TMED1: variants seen among roughly 807,000 people sequenced by gnomAD.
TMED1 encodes transmembrane emp24 domain-containing protein 1.
Under a neutral mutation model 21.2 loss-of-function variants are expected in TMED1, and 20 were observed. The observed-to-expected ratio is 0.95, with a 90% CI of 0.67 to 1.37. The LOEUF is 1.37. TMED1 is among the 40% of genes most tolerant of loss of function. The pLI is 0.00. For synonymous variants in TMED1, 149 were observed against 134.7 expected (o/e 1.11, Z -0.74); for missense variants, 316 against 309.8 (o/e 1.02, Z -0.15).
chr19:10,834,055 G>C (rs766205519), intron 3 of TMED1, among the ~76,000 whole-genome samples: 1 of 152,218 alleles, frequency 6.6e-6, no homozygotes, highest in African/African-American at 2.4e-5. Context: ...AGCTATTCAG[G>C]AGGCTGAGGC....
intron 1 of TMED1, 58 bp downstream of exon 1, chr19:10,835,951 C>T (rs2073422822): frequency 2.0e-6 from 3 of 1,503,346 alleles, no homozygotes; most frequent in African/African-American, 1.4e-5. Context: ...TCGCCTCGAC[C>T]GCTTGGCCAC....
At position 10,832,881 on chromosome 19, in the gene TMED1, T is replaced by A; in HGVS notation, c.*114A>T. On this transcript the variant is annotated 3_prime_UTR_variant, in exon 4 of 4. Coordinates refer to ENST00000214869, the MANE Select transcript of TMED1 (RefSeq NM_006858.4). Reference sequence around the variant, plus strand: ...ACTCATGGGGCCAGACCGCAGGCCCTGACTGCACACTCCCGTTTTGGCAGG... The same window carrying A: ...ACTCATGGGGCCAGACCGCAGGCCCAGACTGCACACTCCCGTTTTGGCAGG... 1 of 1,232,324 alleles carries A rather than the reference T, an allele frequency of 8.1e-7. No individual in the cohort carries two copies. Among genetic ancestry groups the A allele is most frequent in the East Asian group, 2.5e-5 (1 of 40,092 alleles). 76.3% of individuals were successfully genotyped at this position (1,232,324 alleles called of 1,614,324 possible).
intron 1 of TMED1, 110 bp from the exon 2 acceptor site, chr19:10,835,463 C>G: frequency 6.6e-7 from 1 of 1,516,740 alleles, no homozygotes; most frequent in Non-Finnish European, 8.9e-7. Flanking sequence ...AAGGGCTTAC[C>G]TGAACGGCGG....
Position 10,832,305 on chromosome 19 carries a change from C to G in TMED1, c.*690G>C, listed in dbSNP as rs1270779300. 2 of 1,289,646 alleles carry G rather than the reference C, an allele frequency of 1.6e-6. No individual in the cohort carries two copies. The highest frequency in any genetic ancestry group is 3.0e-5 in the African/African-American group (2 of 65,852). The allele number at this position is 1,289,646 out of a possible 1,614,324, so 79.9% of individuals were successfully genotyped here. On this transcript the variant is annotated 3_prime_UTR_variant, in exon 4 of 4. Transcript: ENST00000214869. ...TTTCTGATTTTTCTCTTGTGCCAGG[C>G]GACCACCTCCATCGGCTCCCGCACG...
chr19:10,835,587 C>G (rs2073418869), intron 1 of TMED1: 4 of 1,425,396 alleles, frequency 2.8e-6, no homozygotes, highest in Non-Finnish European at 3.7e-6. Context: ...ACCAAAAGTA[C>G]TTAATGGACG....
chr19:10,832,587 C>T lies in TMED1; in HGVS notation c.*408G>A. On this transcript the variant is annotated 3_prime_UTR_variant, in exon 4 of 4. Transcript: ENST00000214869. ...GGGCCGGGGCAGGTGGTCTTCCAGG[C>T]CCCCTTCCTGGCATTCTGTTACCAG... is the stretch of plus-strand genomic sequence containing the variant. 1 of 491,768 alleles carries T rather than the reference C, an allele frequency of 2.0e-6. No individual in the cohort carries two copies. Among genetic ancestry groups the T allele is most frequent in the Non-Finnish European group, 3.7e-6 (1 of 271,980 alleles). 30.5% of individuals were successfully genotyped at this position (491,768 alleles called of 1,614,324 possible). A position where few individuals can be genotyped will look rare whatever the true frequency, so the allele number is the denominator to read the frequency against.
Position 10,832,257 on chromosome 19 carries a change from A to G in TMED1, c.*738T>C, listed in dbSNP as rs1455859223. ...GGGGAAGCCCAAGCCTCGTGGCCCAACTGGGGCTCAGTTAAACTTTGCTTT... is the reference window on the plus strand; with the variant it reads ...GGGGAAGCCCAAGCCTCGTGGCCCAGCTGGGGCTCAGTTAAACTTTGCTTT... On this transcript the variant is annotated 3_prime_UTR_variant, in exon 4 of 4. Coordinates refer to ENST00000214869, the MANE Select transcript of TMED1 (RefSeq NM_006858.4). 1 of 1,287,968 alleles carries G rather than the reference A, an allele frequency of 7.8e-7. No homozygotes were observed. Among genetic ancestry groups the G allele is most frequent in the Non-Finnish European group, 1.0e-6 (1 of 987,288 alleles). 79.8% of individuals were successfully genotyped at this position (1,287,968 alleles called of 1,614,324 possible).
intron 3 of TMED1, 30 bp from the exon 4 acceptor site, chr19:10,833,243 G>C: frequency 6.3e-7 from 1 of 1,575,674 alleles, no homozygotes; most frequent in Non-Finnish European, 8.7e-7. Context: ...GAAGGGTCAG[G>C]CCTCCCTCCA....
In TMED1 at chr19:10,834,930, A is replaced by G. The variant is rs776024302; in HGVS notation, c.465+4T>C. 6.2e-7 allele frequency: 1 copy of G among 1,613,276 alleles called. No individual in the cohort carries two copies. Among genetic ancestry groups the G allele is most frequent in the South Asian group, 1.1e-5 (1 of 90,982 alleles). The stretch of plus-strand genomic sequence containing the variant: ...GGAGTGGCCCCAGCGCAGCCTGGAC[A>G]CACCTTGATGTCCTCCATTTTAACA... On this transcript the variant is annotated splice_donor_region_variant and intron_variant, in intron 3 of 3. Coordinates refer to ENST00000214869, the MANE Select transcript of TMED1 (RefSeq NM_006858.4).
chr19:10,836,151 AGCCACAAG>A lies in TMED1; in HGVS notation c.33_40del (p.Leu12ThrfsTer19). On this transcript the variant is annotated frameshift_variant, in exon 1 of 4. Coordinates refer to ENST00000214869, the MANE Select transcript of TMED1 (RefSeq NM_006858.4). LOFTEE classifies it high-confidence loss of function. ...TCCCACCTCCACTGGTGGCATTAGT[AGCCACAAG>A]GCCAGGGCTAGGGCCGCGCCGGCCG... is the stretch of plus-strand genomic sequence containing the variant. 6.4e-7 allele frequency: 1 copy of A among 1,566,106 alleles called. No homozygotes were observed. Among genetic ancestry groups the A allele is most frequent in the Non-Finnish European group, 8.6e-7 (1 of 1,156,852 alleles).
At chr19:10,834,299 A>T (rs1311546856) in intron 3 of TMED1, among the ~76,000 whole-genome samples, 1 of 152,176 alleles carries the variant, frequency 6.6e-6, no homozygotes, top group Non-Finnish European at 1.5e-5. Flanking sequence ...TGAGTTGCTC[A>T]GCCATCTTGT....
Position 10,832,378 on chromosome 19 carries a change from C to G in TMED1, c.*617G>C, listed in dbSNP as rs1263484527. 2.3e-6 allele frequency: 3 copies of G among 1,289,554 alleles called. No homozygotes were observed. In the African/African-American group the frequency reaches 4.6e-5, roughly 20 times the overall value. The allele number at this position is 1,289,554 out of a possible 1,614,324, so 79.9% of individuals were successfully genotyped here. A position where few individuals can be genotyped will look rare whatever the true frequency, so the allele number is the denominator to read the frequency against. ...GAGGCCCCTCCCACCTGTCTGGCTGCCCCCTCGGGGGCCGGTCTGTCCTGG... is the reference window on the plus strand; with the variant it reads ...GAGGCCCCTCCCACCTGTCTGGCTGGCCCCTCGGGGGCCGGTCTGTCCTGG... On this transcript the variant is annotated 3_prime_UTR_variant, in exon 4 of 4. Transcript: ENST00000214869.
rs764422843 is a variant in TMED1, at chr19:10,836,020, T to C, written c.172A>G (p.Thr58Ala). 2 of 1,593,690 alleles carry C rather than the reference T, an allele frequency of 1.3e-6. No individual in the cohort carries two copies. Among genetic ancestry groups the C allele is most frequent in the South Asian group, 2.3e-5 (2 of 88,314 alleles). The change falls in exon 1 of 4, where the codon ACC (threonine) becomes GCC (alanine). Residue 58 changes from threonine (T) to alanine (A), a missense_variant. Thr to Ala is a moderately conservative substitution (Grantham distance 58). Coordinates refer to ENST00000214869, the MANE Select transcript of TMED1 (RefSeq NM_006858.4). ...CCGCGACCCTCTACCTGGTATTCGG[T>C]CTCGAGGCTTGCGTTGGCCGGCGCG... ...QSAPANASLE[T>A]EYQVIGGAGL...
chr19:10,835,321 G>A lies in TMED1; in HGVS notation c.216C>T (p.Phe72=). Reference sequence around the variant, plus strand: ...GCACGCCCTGAGGGCTCTCCAGCGTGAAGTCCACGTCCAGTCCAGCACCTC... The same window carrying A: ...GCACGCCCTGAGGGCTCTCCAGCGTAAAGTCCACGTCCAGTCCAGCACCTC... ...VIGGAGLDVD[F]TLESPQGVLL... is the part of the protein sequence containing the mutation. Residue 72 remains phenylalanine, a synonymous_variant, in exon 2 of 4, where the codon TTC becomes TTT. Coordinates refer to ENST00000214869, the MANE Select transcript of TMED1 (RefSeq NM_006858.4). 3.1e-6 allele frequency: 5 copies of A among 1,613,848 alleles called. No individual in the cohort carries two copies. Among genetic ancestry groups the A allele is most frequent in the Non-Finnish European group, 4.2e-6 (5 of 1,179,936 alleles).
rs759616595 is a variant in TMED1 at position 10,836,200 on chromosome 19, C to T, written c.-9G>A. The T allele has an allele frequency of 6.5e-6, 10 of 1,540,324 alleles. No homozygotes were observed. The highest frequency in any genetic ancestry group is 8.7e-6 in the Non-Finnish European group (10 of 1,147,510). ...GCGCCGGCCGCCATCATCCGGGTCACCCTCTGGTCTGCAAAGGGGTCGCGG... is the reference window on the plus strand; with the variant it reads ...GCGCCGGCCGCCATCATCCGGGTCATCCTCTGGTCTGCAAAGGGGTCGCGG... On this transcript the variant is annotated 5_prime_UTR_variant, in exon 1 of 4. The change creates a new upstream start codon in the 5' untranslated region. Coordinates refer to ENST00000214869, the MANE Select transcript of TMED1 (RefSeq NM_006858.4).
chr19:10,834,687 C>G (rs969918414), intron 3 of TMED1: 2 of 346,372 alleles, frequency 5.8e-6, no homozygotes, highest in African/African-American at 4.2e-5. Flanking sequence ...ACCATGTTGG[C>G]CAGGCTGGTC....
chr19:10,835,472 G>A, intron 1 of TMED1, 119 bp from the exon 2 acceptor site: 1 of 1,497,580 alleles, frequency 6.7e-7, no homozygotes, highest in Admixed American at 2.0e-5. Context: ...CCTGAACGGC[G>A]GCACACCCAC....
chr19:10,833,489 T>TGG (rs879762072), intron 3 of TMED1: 16 of 496,614 alleles, frequency 3.2e-5, no homozygotes, highest in Admixed American at 1.0e-4. Context: ...AGGATGAGCA[T>TGG]GGTGGCTCAT....
chr19:10,833,082 G>A lies in TMED1; in HGVS notation c.597C>T (p.Val199=). The change falls in exon 4 of 4, where the codon GTC becomes GTT. Residue 199 remains valine, a synonymous_variant. Coordinates refer to ENST00000214869, the MANE Select transcript of TMED1 (RefSeq NM_006858.4). ...NLERVNFWSA[V]NVAVLLLVAV... Reference sequence around the variant, plus strand: ...CCACCAGCAGCAGCACCGCCACGTTGACAGCTGACCAGAAGTTGACCCGCT... The same window carrying A: ...CCACCAGCAGCAGCACCGCCACGTTAACAGCTGACCAGAAGTTGACCCGCT... 6.2e-7 allele frequency: 1 copy of A among 1,614,078 alleles called. No individual in the cohort carries two copies. The highest frequency in any genetic ancestry group is 8.5e-7 in the Non-Finnish European group (1 of 1,180,050).
Sources: allele counts gnomAD v4.1 joint callset (sites outside exome capture counted in the v4.1 genomes callset), GRCh38; gene constraint gnomAD v4.1.1; transcripts MANE v1.5; gene names NCBI Gene and HGNC (gene_info 2026-07-23, HGNC 2026-07-21).